PARD6G: variants seen among roughly 807,000 people sequenced by gnomAD.
The protein encoded by PARD6G is partitioning defective 6 homolog gamma.
Under a neutral mutation model 10.7 loss-of-function variants are expected in PARD6G, and 7 were observed. The observed-to-expected ratio is 0.66, with a 90% confidence interval of 0.37 to 1.23. The LOEUF (loss-of-function observed/expected upper bound fraction) is 1.23. PARD6G is among the 50% of genes most tolerant of loss of function. The pLI is 0.02. For missense variants in PARD6G, 548 were observed against 571.8 expected (o/e 0.96, Z 0.42); for synonymous variants, 287 against 269.4 (o/e 1.07, Z -0.64).
chr18:80,233,129 T>C (rs1449132603), intron 1 of PARD6G, among the ~76,000 whole-genome samples: 1 of 152,200 alleles, frequency 6.6e-6, no homozygotes, highest in Non-Finnish European at 1.5e-5. Context: ...TTTATTTCAA[T>C]TGCATCTCTC....
At position 80,182,032 on chromosome 18, in the gene PARD6G, C is replaced by T. The variant is rs769312334; in HGVS notation, c.295+20678G>A. ...CTCATCTTGCCACCTGCTTTTGTTACGCAAGAAACTGAGGCAGAAAGCAGG... is the reference window on the plus strand; with the variant it reads ...CTCATCTTGCCACCTGCTTTTGTTATGCAAGAAACTGAGGCAGAAAGCAGG... On this transcript the variant is annotated intron_variant, in intron 2 of 2. Transcript: ENST00000353265. This position sits in a 1 kb window ranked among gnomAD's most constrained non-coding sequence, Gnocchi z 4.5. 2.4e-4 allele frequency among the ~76,000 whole-genome samples: 37 copies of T among 152,176 alleles called. No homozygotes were observed. Among genetic ancestry groups the T allele is most frequent in the African/African-American group, 8.7e-4 (36 of 41,418 alleles).
At chr18:80,233,408 A>G (rs938649554) in intron 1 of PARD6G, among the ~76,000 whole-genome samples, 8 of 152,116 alleles carry the variant, frequency 5.3e-5, no homozygotes, top group Admixed American at 3.3e-4. Flanking sequence ...ACAGGTGCTG[A>G]TGGGCCCAAG....
In PARD6G at chr18:80,159,711, A is replaced by G. The variant is rs1327978335; in HGVS notation, c.*60T>C. On this transcript the variant is annotated 3_prime_UTR_variant, in exon 3 of 3. Coordinates refer to ENST00000353265, the MANE Select transcript of PARD6G (RefSeq NM_032510.4). The stretch of plus-strand genomic sequence containing the variant: ...CAAAAAATGAGCGGATGCAGTCTGC[A>G]GGTCCTGTCCCTGTCCTTACCGGGG... 6.8e-6 allele frequency: 9 copies of G among 1,332,164 alleles called. No individual in the cohort carries two copies. The highest frequency in any genetic ancestry group is 8.7e-6 in the Non-Finnish European group (9 of 1,037,810). The allele number at this position is 1,332,164 out of a possible 1,614,324, so 82.5% of individuals were successfully genotyped here. A position where few individuals can be genotyped will look rare whatever the true frequency, so the allele number is the denominator to read the frequency against.
chr18:80,233,721 G>A (rs1226603846), intron 1 of PARD6G, among the ~76,000 whole-genome samples: 1 of 152,058 alleles, frequency 6.6e-6, no homozygotes, highest in Admixed American at 6.6e-5. Flanking sequence ...CCTCACACCC[G>A]CACCCAGGTC....
intron 2 of PARD6G, among the ~76,000 whole-genome samples, chr18:80,190,365 G>A (rs1966886191): frequency 6.6e-6 from 1 of 152,224 alleles, no homozygotes. Context: ...TGGCAGGCCT[G>A]AGAGGGCTTC....
intron 1 of PARD6G, among the ~76,000 whole-genome samples, chr18:80,204,222 G>C (rs1473440217): frequency 1.3e-5 from 2 of 152,128 alleles, no homozygotes; most frequent in Non-Finnish European, 2.9e-5. Flanking sequence ...TACAAATAAA[G>C]TAATGTTTAT....
Position 80,160,046 on chromosome 18 carries a change from G to A in PARD6G, c.856C>T (p.Gln286Ter). ...FVGPPAPRVL[Q>*]NFHPDEAESD... ...TCCGCCTCGTCGGGGTGGAAGTTCT[G>A]CAGGACGCGCGGGGCGGGGGGACCC... is the stretch of plus-strand genomic sequence containing the variant. The change falls in exon 3 of 3, where the codon CAG (glutamine) becomes TAG (stop). Residue 286 changes from glutamine to a stop codon, truncating the protein, a stop_gained. Transcript: ENST00000353265. LOFTEE classifies it low-confidence loss of function (END_TRUNC). The A allele has an allele frequency of 6.5e-7, 1 of 1,546,050 alleles. No individual in the cohort carries two copies. The highest frequency in any genetic ancestry group is 8.7e-7 in the Non-Finnish European group (1 of 1,152,098).
intron 2 of PARD6G, among the ~76,000 whole-genome samples, chr18:80,172,140 A>G (rs1317534156): frequency 3.3e-5 from 5 of 152,114 alleles, no homozygotes; most frequent in Non-Finnish European, 7.4e-5. Flanking sequence ...AACATTTTCT[A>G]TTCCCCCCAG....
chr18:80,186,357 A>C (rs2052877811), intron 2 of PARD6G, among the ~76,000 whole-genome samples: 1 of 58,816 alleles, frequency 1.7e-5, no homozygotes, highest in African/African-American at 6.5e-5. Context: ...GCACCCTCAC[A>C]CATGCTCGCA....
chr18:80,177,627 CA>C (rs1288262611), intron 2 of PARD6G, among the ~76,000 whole-genome samples: 1 of 150,774 alleles, frequency 6.6e-6, no homozygotes, highest in Non-Finnish European at 1.5e-5. Context: ...CAGAATAAAT[CA>C]AAGTCCAAAT....
intron 1 of PARD6G, among the ~76,000 whole-genome samples, chr18:80,208,871 C>T (rs1337110918): frequency 1.3e-5 from 2 of 152,180 alleles, no homozygotes; most frequent in African/African-American, 4.8e-5. Context: ...AATCTCAGCA[C>T]TTTGGGAGGC....
intron 2 of PARD6G, among the ~76,000 whole-genome samples, chr18:80,191,288 T>C (rs1227825576): frequency 6.6e-6 from 1 of 152,178 alleles, no homozygotes; most frequent in Non-Finnish European, 1.5e-5. Flanking sequence ...GGGCAGCAGC[T>C]GCCCAGATGC....
At chr18:80,238,478 A>T (rs1035355055) in intron 1 of PARD6G, among the ~76,000 whole-genome samples, 2 of 148,638 alleles carry the variant, frequency 1.3e-5, no homozygotes, top group African/African-American at 4.9e-5. Context: ...GTACCCTAAA[A>T]CTTAAAGTAT....
intron 2 of PARD6G, among the ~76,000 whole-genome samples, chr18:80,195,393 C>A (rs910123602): frequency 6.6e-6 from 1 of 151,586 alleles, no homozygotes; most frequent in Admixed American, 6.6e-5. Context: ...GGGTGGGCAG[C>A]CATGTACCTG....
At chr18:80,195,635 T>C (rs1966948718) in intron 2 of PARD6G, among the ~76,000 whole-genome samples, 1 of 145,154 alleles carries the variant, frequency 6.9e-6, no homozygotes, top group African/African-American at 2.5e-5. Flanking sequence ...CTCAGCACTT[T>C]GGGAGGCTGA....
At position 80,181,007 on chromosome 18, in the gene PARD6G, A is replaced by C. The variant is rs949035420; in HGVS notation, c.296-20401T>G. Among the ~76,000 whole-genome samples, 4 of 152,186 alleles carry C rather than the reference A, an allele frequency of 2.6e-5. No homozygotes were observed. The highest frequency in any genetic ancestry group is 1.3e-4 in the Admixed American group (2 of 15,290). ...AGGGTAAGAACCCGGCCTCACACGC[A>C]CGTTTCCAGCGGGCTGGAAGGCGGC... On this transcript the variant is annotated intron_variant, in intron 2 of 2. Transcript: ENST00000353265. This position sits in a 1 kb window ranked among gnomAD's most constrained non-coding sequence, Gnocchi z 7.9.
chr18:80,242,123 C>T (rs1384273858), intron 1 of PARD6G, among the ~76,000 whole-genome samples: 1 of 152,200 alleles, frequency 6.6e-6, no homozygotes, highest in Non-Finnish European at 1.5e-5. Context: ...AAATTGGCAG[C>T]CTCCAGGGGC....
At chr18:80,224,824 T>A (rs375731071) in intron 1 of PARD6G, among the ~76,000 whole-genome samples, 28 of 151,144 alleles carry the variant, frequency 1.9e-4, no homozygotes, top group African/African-American at 6.3e-4. Flanking sequence ...TCCAGCCTGG[T>A]CGACAGAGTG....
intron 2 of PARD6G, chr18:80,162,279 T>C (rs2052705540): frequency 6.6e-6 from 1 of 152,336 alleles, no homozygotes; most frequent in South Asian, 2.1e-4. Flanking sequence ...TTTTAAAAAC[T>C]ATACCTGTAA....
Sources: gnomAD v4.1 joint callset for allele counts (sites outside exome capture counted in the v4.1 genomes callset) on GRCh38, gnomAD v4.1.1 for gene constraint, Gnocchi (gnomAD v3.1) non-coding constraint, MANE v1.5 for transcripts, NCBI Gene and HGNC (gene_info 2026-07-23, HGNC 2026-07-21) for gene names.